The following PSG4 variants were observed in gnomAD, a reference collection of about 807,000 sequenced individuals.
PSG4 encodes the protein pregnancy-specific beta-1-glycoprotein 4.
PSG4 carries 61 observed loss-of-function variants against 44.3 expected under a neutral mutation model. The observed-to-expected ratio is 1.38, with a 90% CI of 1.12 to 1.70. PSG4 has a LOEUF of 1.70. PSG4 is among the 40% of genes most tolerant of loss of function. The pLI, the probability that PSG4 is intolerant of heterozygous loss-of-function variation, is 0.00. For missense variants in PSG4, 677 were observed against 511.7 expected (o/e 1.32, Z -3.12); for synonymous variants, 248 against 191.3 (o/e 1.30, Z -2.45).
In PSG4 at chr19:43,194,978, G is replaced by A. The variant is rs1967172424; in HGVS notation, c.988+17C>T. On this transcript the variant is annotated intron_variant, in intron 4 of 5. Coordinates refer to ENST00000405312, the MANE Select transcript of PSG4 (RefSeq NM_002780.5). ...TAAGCTGGTGTCCTGGCCCACAGAGGAACAAAAGATACTCACAGAGGACAT... is the reference window on the plus strand; with the variant it reads ...TAAGCTGGTGTCCTGGCCCACAGAGAAACAAAAGATACTCACAGAGGACAT... 10 of 1,608,852 alleles carry A rather than the reference G, an allele frequency of 6.2e-6. No homozygotes were observed. The highest frequency in any genetic ancestry group is 7.6e-6 in the Non-Finnish European group (9 of 1,177,008).
chr19:43,202,684 G>A (rs1967569701), intron 2 of PSG4, among the ~76,000 whole-genome samples: 2 of 144,310 alleles, frequency 1.4e-5, no homozygotes, highest in Non-Finnish European at 3.0e-5. Context: ...TTCAGTGATG[G>A]GGGTTAAGAT....
Position 43,204,189 on chromosome 19 carries a change from G to T in PSG4, c.127C>A (p.Pro43Thr), listed in dbSNP as rs1264950920. 8 of 1,585,456 alleles carry T rather than the reference G, an allele frequency of 5.0e-6. 1 individual carries two copies. Among genetic ancestry groups the T allele is most frequent in the East Asian group, 2.7e-5 (1 of 37,514 alleles). ...TAQVTIEAQP[P>T]KVSEGKDVLL... Reference sequence around the variant, plus strand: ...ACATCCTTCCCCTCAGAAACTTTGGGTGGCTGGGCTTCAATCGTGACTTGG... The same window carrying T: ...ACATCCTTCCCCTCAGAAACTTTGGTTGGCTGGGCTTCAATCGTGACTTGG... Residue 43 changes from proline (P) to threonine (T), a missense_variant, in exon 2 of 6, where the codon CCC (proline) becomes ACC (threonine). Pro to Thr is a conservative substitution (Grantham distance 38). Coordinates refer to ENST00000405312, the MANE Select transcript of PSG4 (RefSeq NM_002780.5).
rs965187498 is a variant in PSG4, at chr19:43,194,613, A to G, written c.989-19T>C. 1.9e-6 allele frequency: 3 copies of G among 1,599,916 alleles called. No individual in the cohort carries two copies. The highest frequency in any genetic ancestry group is 1.7e-5 in the Admixed American group (1 of 59,102). ...GGACCATCTGGCGCAAAGAGAATAA[A>G]GCCATAGGTGATGTCATCCGAGGGA... On this transcript the variant is annotated intron_variant, in intron 4 of 5. Coordinates refer to ENST00000405312, the MANE Select transcript of PSG4 (RefSeq NM_002780.5).
chr19:43,199,868 A>G lies in PSG4; in HGVS notation c.431-1593T>C, dbSNP rs1967425419. ...GTGCCGTGAATTCCAGCAGGATCAC[A>G]TTATGCTCAAAGAAAGATGCCAAAG... On this transcript the variant is annotated intron_variant, in intron 2 of 5. Coordinates refer to ENST00000405312, the MANE Select transcript of PSG4 (RefSeq NM_002780.5). Among the ~76,000 whole-genome samples the G allele has an allele frequency of 6.2e-5, 9 of 145,490 alleles. No individual in the cohort carries two copies. The South Asian group carries it at 1.7e-3, about 28-fold the overall frequency.
In PSG4 at chr19:43,204,216, C is replaced by A; in HGVS notation, c.100G>T (p.Ala34Ser). Reference protein sequence around the residue: ...LLNFWNPPTTAQVTIEAQPPK... With the variant: ...LLNFWNPPTTSQVTIEAQPPK... The stretch of plus-strand genomic sequence containing the variant: ...GGCTGGGCTTCAATCGTGACTTGGG[C>A]AGTTGTGGGCGGATTCCAGAAGTTT... Residue 34 changes from alanine (A) to serine (S), a missense_variant, in exon 2 of 6, where the codon GCC becomes TCC. By Grantham distance (99) the Ala-to-Ser change is moderately conservative. Transcript: ENST00000405312. 1.3e-6 allele frequency: 2 copies of A among 1,580,900 alleles called. No individual in the cohort carries two copies. The highest frequency in any genetic ancestry group is 1.7e-6 in the Non-Finnish European group (2 of 1,167,860).
At position 43,200,766 on chromosome 19, in the gene PSG4, G is replaced by A. The variant is rs553007917; in HGVS notation, c.431-2491C>T. 6.2e-5 allele frequency among the ~76,000 whole-genome samples: 9 copies of A among 145,316 alleles called. No homozygotes were observed. In the South Asian group the frequency reaches 6.5e-4, roughly 10 times the overall value. ...AATTTTTTGTATTTTTAGTAGAGAC[G>A]GGGTTTCACCATGTTAGCCAGGATG... is the stretch of plus-strand genomic sequence containing the variant. On this transcript the variant is annotated intron_variant, in intron 2 of 5. Transcript: ENST00000405312.
intron 2 of PSG4, among the ~76,000 whole-genome samples, chr19:43,200,194 G>A (rs1035777729): frequency 6.9e-6 from 1 of 144,818 alleles, no homozygotes; most frequent in Non-Finnish European, 1.5e-5. Flanking sequence ...CCAATGGCTC[G>A]TGTGTCTGCC....
In PSG4 at chr19:43,195,193, G is replaced by A. The variant is rs371961837; in HGVS notation, c.790C>T (p.Pro264Ser). 5 of 1,609,966 alleles carry A rather than the reference G, an allele frequency of 3.1e-6. No homozygotes were observed. The African/African-American group carries it at 4.0e-5, about 13-fold the overall frequency. The change falls in exon 4 of 6, where the codon CCT becomes TCT. Residue 264 changes from proline (P) to serine (S), a missense_variant. Physicochemically the swap from Pro to Ser is moderately conservative, Grantham distance 74. Coordinates refer to ENST00000405312, the MANE Select transcript of PSG4 (RefSeq NM_002780.5). ...ATGTAGGTGTAGTTCTTACTCTTAGGTTCACAGGTGAAGGTTAAGACATCC... is the reference window on the plus strand; with the variant it reads ...ATGTAGGTGTAGTTCTTACTCTTAGATTCACAGGTGAAGGTTAAGACATCC... ...NKDVLTFTCE[P>S]KSKNYTYIWW...
At chr19:43,195,441 AAGACTGTG>A (rs1198504769) in intron 3 of PSG4, among the ~76,000 whole-genome samples, 168 bp from the exon 4 acceptor site, 1 of 151,496 alleles carries the variant, frequency 6.6e-6, no homozygotes, top group East Asian at 1.9e-4. Context: ...TAAGGGCTCA[AAGACTGTG>A]AGGCCACCTG....
chr19:43,200,056 G>A (rs1388887436), intron 2 of PSG4, among the ~76,000 whole-genome samples: 3 of 145,600 alleles, frequency 2.1e-5, no homozygotes, highest in Non-Finnish European at 4.5e-5. Flanking sequence ...TAATTTCTGT[G>A]CAGAGTTAGG....
intron 2 of PSG4, among the ~76,000 whole-genome samples, chr19:43,200,869 CT>C (rs1337002770): frequency 6.8e-6 from 1 of 146,432 alleles, no homozygotes; most frequent in Non-Finnish European, 1.5e-5. Context: ...TGAGCACAGC[CT>C]TCTCTGAGGG....
In PSG4 at chr19:43,194,405, G is replaced by A. The variant is rs1046543721; in HGVS notation, c.1178C>T (p.Ala393Val). 6.2e-7 allele frequency: 1 copy of A among 1,612,472 alleles called. No homozygotes were observed. Among genetic ancestry groups the A allele is most frequent in the Non-Finnish European group, 8.5e-7 (1 of 1,179,112 alleles). Residue 393 changes from alanine to valine, a missense_variant, in exon 5 of 6, where the codon GCT (alanine) becomes GTT (valine). Ala to Val is a moderately conservative substitution (Grantham distance 64). Transcript: ENST00000405312. ...QITTKHSGLY[A>V]CSVRNSATGK... ...AGTGGCTGAGTTACGAACAGAGCAA[G>A]CATAGAGCCCACTATGCTTTGTAGT...
rs1967294075 is a variant in PSG4 at position 43,197,324 on chromosome 19, C to T, written c.709+673G>A. On this transcript the variant is annotated intron_variant, in intron 3 of 5. Coordinates refer to ENST00000405312, the MANE Select transcript of PSG4 (RefSeq NM_002780.5). The stretch of plus-strand genomic sequence containing the variant: ...TTCACTGGAAAACATATTGCCAATG[C>T]TCCAGGGATCCACTTACCAGGCACT... Among the ~76,000 whole-genome samples, 3 of 145,682 alleles carry T rather than the reference C, an allele frequency of 2.1e-5. 1 individual carries two copies. Among genetic ancestry groups the T allele is most frequent in the Non-Finnish European group, 4.5e-5 (3 of 67,182 alleles).
intron 1 of PSG4, chr19:43,204,694 T>TCCCCTCCCCCCC (rs558525472): frequency 4.0e-5 from 6 of 151,844 alleles, no homozygotes; most frequent in African/African-American, 6.0e-5. Context: ...ATGTCTGTCT[T>TCCCCTCCCCCCC]CCCCCCACGA....
intron 5 of PSG4, chr19:43,194,078 T>A (rs2122284534): frequency 8.4e-7 from 1 of 1,193,728 alleles, no homozygotes; most frequent in Non-Finnish European, 1.1e-6. Flanking sequence ...ATAAAAATAT[T>A]ATCCTCAATA....
chr19:43,196,186 G>A (rs888692869), intron 3 of PSG4, among the ~76,000 whole-genome samples: 2 of 151,614 alleles, frequency 1.3e-5, no homozygotes, highest in African/African-American at 4.9e-5. Context: ...CAAATTTGGA[G>A]AGAAGTTTTG....
chr19:43,204,095 T>G lies in PSG4; in HGVS notation c.221A>C (p.Tyr74Ser). The G allele has an allele frequency of 6.3e-7, 1 of 1,586,406 alleles. No homozygotes were observed. The highest frequency in any genetic ancestry group is 8.5e-7 in the Non-Finnish European group (1 of 1,171,000). The change falls in exon 2 of 6, where the codon TAC becomes TCC. Residue 74 changes from tyrosine to serine, a missense_variant. Physicochemically the swap from Tyr to Ser is moderately radical, Grantham distance 144. Coordinates refer to ENST00000405312, the MANE Select transcript of PSG4 (RefSeq NM_002780.5). ...GYIWYKGQMT[Y>S]LYHYITSYVV... is the part of the protein sequence containing the mutation. ...ATATGATGTAATGTAATGGTAGAGG[T>G]ATGTCATTTGCCCTTTGTACCAAAT... is the stretch of plus-strand genomic sequence containing the variant.
At chr19:43,195,400 G>A in intron 3 of PSG4, 127 bp from the exon 4 acceptor site, 1 of 1,441,328 alleles carries the variant, frequency 6.9e-7, no homozygotes, top group South Asian at 1.3e-5. Flanking sequence ...AATAGCTGGT[G>A]CTTCTGTCAC....
intron 1 of PSG4, chr19:43,204,693 T>TCCC (rs1350686087): frequency 6.7e-6 from 1 of 149,406 alleles, no homozygotes; most frequent in Non-Finnish European, 1.1e-5. Context: ...CATGTCTGTC[T>TCCC]TCCCCCCACG....
Sources: gnomAD v4.1 joint callset for allele counts (sites outside exome capture counted in the v4.1 genomes callset) on GRCh38, gnomAD v4.1.1 for gene constraint, MANE v1.5 for transcripts, NCBI Gene and HGNC (gene_info 2026-07-23, HGNC 2026-07-21) for gene names.